Variants in CRY1 observed in about 807,000 individuals in gnomAD.
CRY1 encodes the protein cryptochrome-1.
In CRY1, 45 loss-of-function variants were observed where a neutral mutation model predicts 76.0. The ratio of observed to expected loss-of-function variants is 0.59; its 90% confidence interval spans 0.47 to 0.76. CRY1 has a LOEUF of 0.76. Among genes scored for constraint, CRY1 ranks in the 30% least tolerant of loss-of-function variants. The pLI is 0.00. For synonymous variants in CRY1, 248 were observed against 244.0 expected, an observed-to-expected ratio of 1.02 and a Z score of -0.15; for missense variants, 587 against 716.4, an observed-to-expected ratio of 0.82 and a Z score of 2.06.
At chr12:107,076,665 A>G (rs1824237662) in intron 1 of CRY1, among the ~76,000 whole-genome samples, 1 of 151,842 alleles carries the variant, frequency 6.6e-6, no homozygotes, top group African/African-American at 2.4e-5. Context: ...ACACTGACTC[A>G]TGTATCTTCA....
At chr12:107,081,492 C>T (rs1191791002) in intron 1 of CRY1, among the ~76,000 whole-genome samples, 1 of 151,980 alleles carries the variant, frequency 6.6e-6, no homozygotes, top group Non-Finnish European at 1.5e-5. Flanking sequence ...ATTGAATTTA[C>T]CACCACCTGA....
At chr12:106,999,307 T>C (rs1952273523) in intron 7 of CRY1, among the ~76,000 whole-genome samples, 1 of 152,182 alleles carries the variant, frequency 6.6e-6, no homozygotes, top group African/African-American at 2.4e-5. Context: ...GTTCTCTTAG[T>C]GGCTAGGCTG....
intron 1 of CRY1, among the ~76,000 whole-genome samples, chr12:107,038,203 C>G (rs770844564): frequency 6.6e-5 from 10 of 152,056 alleles, no homozygotes; most frequent in Non-Finnish European, 1.5e-4. Flanking sequence ...AGAGCTAATA[C>G]AGCAAAGGAA....
chr12:107,067,679 CTA>C (rs1286235099), intron 1 of CRY1, among the ~76,000 whole-genome samples: 1 of 151,988 alleles, frequency 6.6e-6, no homozygotes, highest in Non-Finnish European at 1.5e-5. Flanking sequence ...AAATAACAGT[CTA>C]TACAGAAAGA....
intron 1 of CRY1, chr12:107,072,849 A>G (rs1203338078): frequency 6.6e-6 from 1 of 152,198 alleles, no homozygotes; most frequent in Non-Finnish European, 1.5e-5. Flanking sequence ...ATTTTTCATC[A>G]GAAAAAATCC....
chr12:107,032,366 CA>C (rs1389525137), intron 1 of CRY1, among the ~76,000 whole-genome samples: 1 of 152,070 alleles, frequency 6.6e-6, no homozygotes, highest in Non-Finnish European at 1.5e-5. Context: ...TAAAATTATT[CA>C]AAAAAATTTT....
At chr12:107,039,065 C>T (rs1387464711) in intron 1 of CRY1, among the ~76,000 whole-genome samples, 2 of 152,158 alleles carry the variant, frequency 1.3e-5, no homozygotes, top group African/African-American at 4.8e-5. Context: ...GCGGAAGTTG[C>T]AGTGAGCCGG....
intron 1 of CRY1, among the ~76,000 whole-genome samples, chr12:107,078,522 G>GC (rs1953285161): frequency 2.0e-5 from 3 of 152,042 alleles, no homozygotes; most frequent in Non-Finnish European, 4.4e-5. Flanking sequence ...TATTCGCTGA[G>GC]TTTTTTCACT....
rs1003318299 is a variant in CRY1, at chr12:106,998,195, A to G, written c.1138-129T>C. ...ACAGAATTGTAAAATTAAACATTCC[A>G]AAGTTAGCTTCCCTATGTTCTGTTC... On this transcript the variant is annotated intron_variant, in intron 7 of 12. Transcript: ENST00000008527. The G allele has an allele frequency of 1.6e-5, 16 of 1,014,714 alleles. No individual in the cohort carries two copies. The Admixed American group carries it at 3.4e-4, about 22-fold the overall frequency. 62.9% of individuals were successfully genotyped at this position (1,014,714 alleles called of 1,614,324 possible). A position where few individuals can be genotyped will look rare whatever the true frequency, so the allele number is the denominator to read the frequency against.
At chr12:107,015,028 T>A (rs1169600974) in intron 2 of CRY1, among the ~76,000 whole-genome samples, 1 of 151,938 alleles carries the variant, frequency 6.6e-6, no homozygotes, top group Non-Finnish European at 1.5e-5. Context: ...CAGGTGTGCA[T>A]CACCACTCCC....
chr12:107,080,227 C>T lies in CRY1; in HGVS notation c.158+12577G>A, dbSNP rs377511629. Among the ~76,000 whole-genome samples the T allele has an allele frequency of 4.1e-4, 63 of 152,080 alleles. 2 individuals are homozygous for T. The South Asian group carries it at 0.013, about 31-fold the overall frequency. ...TGTGAAGACAGAAAACACAGGAAAA[C>T]TCAGTTTGGGGTTTGTTTGTTTTTG... On this transcript the variant is annotated intron_variant, in intron 1 of 12. Transcript: ENST00000008527.
In CRY1 at chr12:107,004,097, G is replaced by A. The variant is rs536165780; in HGVS notation, c.410+1009C>T. Reference sequence around the variant, plus strand: ...TGGGATTACAGGTGTGAGCCATCGCGCCTAGCCTAAACAATTTTATGCATA... The same window carrying A: ...TGGGATTACAGGTGTGAGCCATCGCACCTAGCCTAAACAATTTTATGCATA... On this transcript the variant is annotated intron_variant, in intron 3 of 12. Transcript: ENST00000008527. Among the ~76,000 whole-genome samples, 6 of 152,182 alleles carry A rather than the reference G, an allele frequency of 3.9e-5. No homozygotes were observed. In the East Asian group the frequency reaches 1.2e-3, roughly 29 times the overall value.
At chr12:107,004,482 C>T (rs1038112768) in intron 3 of CRY1, among the ~76,000 whole-genome samples, 5 of 152,134 alleles carry the variant, frequency 3.3e-5, no homozygotes, top group African/African-American at 1.2e-4. Flanking sequence ...TTTTACAGAC[C>T]TCTAAGACTC....
chr12:107,050,048 TA>T (rs1246822625), intron 1 of CRY1: 1 of 151,352 alleles, frequency 6.6e-6, no homozygotes, highest in African/African-American at 2.4e-5. Context: ...AGTAAGGAGA[TA>T]AAGAAAATGG....
At position 107,093,162 on chromosome 12, in the gene CRY1, G is replaced by C; in HGVS notation, c.-201C>G. 4 of 586,828 alleles carry C rather than the reference G, an allele frequency of 6.8e-6. No homozygotes were observed. The highest frequency in any genetic ancestry group is 8.3e-6 in the Non-Finnish European group (3 of 361,284). The allele number at this position is 586,828 out of a possible 1,614,324, so 36.4% of individuals were successfully genotyped here. On this transcript the variant is annotated 5_prime_UTR_variant, in exon 1 of 13. Coordinates refer to ENST00000008527, the MANE Select transcript of CRY1 (RefSeq NM_004075.5). ...AGGCGCAGTGGAAAGATGAATGGAG[G>C]TTGCCTAGTCGGCGGAGTCCGGGTG...
intron 1 of CRY1, among the ~76,000 whole-genome samples, chr12:107,039,653 AT>A (rs1268573537): frequency 5.9e-5 from 9 of 152,346 alleles, no homozygotes; most frequent in African/African-American, 2.2e-4. Flanking sequence ...TGTCAAAAAA[AT>A]AAAAGGCAAT....
chr12:107,070,897 G>C (rs973594316), intron 1 of CRY1, among the ~76,000 whole-genome samples: 2 of 148,620 alleles, frequency 1.3e-5, no homozygotes, highest in Non-Finnish European at 1.5e-5. Context: ...GTAGAGACAG[G>C]GTTTCACCGT....
intron 1 of CRY1, among the ~76,000 whole-genome samples, chr12:107,051,601 T>C (rs1952921585): frequency 6.6e-6 from 1 of 152,174 alleles, no homozygotes; most frequent in South Asian, 2.1e-4. Context: ...GAGGAGTCAA[T>C]CTGTCAAGGA....
intron 1 of CRY1, among the ~76,000 whole-genome samples, chr12:107,078,851 CTG>C (rs1395746128): frequency 2.6e-5 from 4 of 152,134 alleles, no homozygotes; most frequent in African/African-American, 4.8e-5. Context: ...CTCTGTGAAA[CTG>C]TGTTTTCCAG....
Sources: allele counts gnomAD v4.1 joint callset (sites outside exome capture counted in the v4.1 genomes callset), GRCh38; gene constraint gnomAD v4.1.1; transcripts MANE v1.5; gene names NCBI Gene and HGNC (gene_info 2026-07-23, HGNC 2026-07-21).